GPNMB: variants seen among roughly 807,000 people sequenced by gnomAD.
GPNMB encodes glycoprotein nmb.
In GPNMB, 71 loss-of-function variants were observed where a neutral mutation model predicts 57.3. The observed-to-expected ratio is 1.24, with a 90% CI of 1.02 to 1.51. GPNMB has a LOEUF of 1.51. Among genes scored for constraint, GPNMB ranks in the 40% most tolerant of loss-of-function variants. The pLI is 0.00. For synonymous variants in GPNMB, 253 were observed against 263.2 expected, an observed-to-expected ratio of 0.96 and a Z score of 0.38; for missense variants, 677 against 691.9, an observed-to-expected ratio of 0.98 and a Z score of 0.24.
At chr7:23,263,627 A>C (rs2128483691) in intron 6 of GPNMB, among the ~76,000 whole-genome samples, 1 of 151,994 alleles carries the variant, frequency 6.6e-6, no homozygotes, top group East Asian at 1.9e-4. Flanking sequence ...AAAAAAAAAA[A>C]AAAAGATATA....
intron 2 of GPNMB, among the ~76,000 whole-genome samples, chr7:23,253,871 A>T (rs1782714971): frequency 2.0e-5 from 3 of 152,220 alleles, no homozygotes; most frequent in African/African-American, 7.2e-5. Flanking sequence ...TTCGAGATTT[A>T]AAAATGCAGA....
chr7:23,248,875 C>G (rs1173041167), intron 1 of GPNMB, among the ~76,000 whole-genome samples: 1 of 151,938 alleles, frequency 6.6e-6, no homozygotes, highest in Non-Finnish European at 1.5e-5. Flanking sequence ...CCTCCAACTC[C>G]TGGGCTAAAG....
intron 6 of GPNMB, among the ~76,000 whole-genome samples, chr7:23,261,147 A>G (rs956237658): frequency 1.3e-5 from 2 of 151,986 alleles, no homozygotes; most frequent in African/African-American, 4.8e-5. Flanking sequence ...CGATCAGGTC[A>G]TTTCTATGTT....
chr7:23,255,221 G>A (rs1054011725), intron 3 of GPNMB, among the ~76,000 whole-genome samples: 2 of 152,128 alleles, frequency 1.3e-5, no homozygotes, highest in Admixed American at 6.5e-5. Context: ...GTTTCCCCAT[G>A]TTGGCCAGGT....
At position 23,260,007 on chromosome 7, in the gene GPNMB, GT is replaced by G; in HGVS notation, c.571del (p.Ser191GlnfsTer2). 1 of 1,614,178 alleles carries G rather than the reference GT, an allele frequency of 6.2e-7. No homozygotes were observed. Among genetic ancestry groups the G allele is most frequent in the Admixed American group, 1.7e-5 (1 of 60,024 alleles). On this transcript the variant is annotated frameshift_variant, in exon 5 of 11. Transcript: ENST00000258733. LOFTEE classifies it high-confidence loss of function. ...CAGTATTTCCAGAAATTGGGACGAT[GT>G]TCAGTGAGAGTTTCTGTGAACACAG... ...LGQYFQKLGRCSVRVSVNTAN... is the reference protein window; with the variant it reads ...LGQYFQKLGRXSVRVSVNTAN...
intron 1 of GPNMB, among the ~76,000 whole-genome samples, chr7:23,247,540 A>G (rs551790489): frequency 6.6e-6 from 1 of 152,226 alleles, no homozygotes; most frequent in Non-Finnish European, 1.5e-5. Context: ...CCTTGTTTTA[A>G]AAGTTCCTCT....
intron 6 of GPNMB, among the ~76,000 whole-genome samples, chr7:23,264,110 A>C (rs1476775174): frequency 2.0e-5 from 3 of 152,024 alleles, no homozygotes; most frequent in Non-Finnish European, 4.4e-5. Context: ...AAAAAAAAAA[A>C]AACCTTTTGT....
chr7:23,271,444 T>C (rs780668480), intron 9 of GPNMB, among the ~76,000 whole-genome samples: 1 of 152,224 alleles, frequency 6.6e-6, no homozygotes, highest in African/African-American at 2.4e-5. Context: ...TCTCATAAGG[T>C]AATATGTTCT....
At position 23,269,976 on chromosome 7, in the gene GPNMB, G is replaced by A. The variant is rs779031770; in HGVS notation, c.1230G>A (p.Thr410=). 3.4e-5 allele frequency: 55 copies of A among 1,613,502 alleles called. No individual in the cohort carries two copies. The highest frequency in any genetic ancestry group is 5.5e-5 in the South Asian group (5 of 91,022). ...FVVTCQGSIP[T]EVCTIISDPT... ...ACCTCCCCTGTCGCAGCATTCCCAC[G>A]GAGGTCTGTACCATCATTTCTGACC... Residue 410 remains threonine, a synonymous_variant, in exon 9 of 11, where the codon ACG becomes ACA. Coordinates refer to ENST00000258733, the MANE Select transcript of GPNMB (RefSeq NM_002510.3).
At chr7:23,253,117 T>C (rs1161646774) in intron 1 of GPNMB, among the ~76,000 whole-genome samples, 190 bp from the exon 2 acceptor site, 1 of 152,188 alleles carries the variant, frequency 6.6e-6, no homozygotes, top group African/African-American at 2.4e-5. Context: ...CATAAAGACA[T>C]AGGGTCTGAA....
chr7:23,263,712 T>C (rs1439390088), intron 6 of GPNMB, among the ~76,000 whole-genome samples: 1 of 151,482 alleles, frequency 6.6e-6, no homozygotes, highest in Non-Finnish European at 1.5e-5. Flanking sequence ...AGGTGTTAGA[T>C]CAATCATAAT....
chr7:23,269,231 C>CA (rs1313371438), intron 8 of GPNMB, among the ~76,000 whole-genome samples: 1 of 151,846 alleles, frequency 6.6e-6, no homozygotes, highest in African/African-American at 2.4e-5. Flanking sequence ...ACTAAAAATA[C>CA]AAAAATTAGC....
chr7:23,249,743 A>G (rs566512843), intron 1 of GPNMB, among the ~76,000 whole-genome samples: 1 of 152,318 alleles, frequency 6.6e-6, no homozygotes, highest in South Asian at 2.1e-4. Flanking sequence ...AATTTGGGCT[A>G]TTATGAATAA....
At chr7:23,254,448 G>GT in intron 3 of GPNMB, 136 bp downstream of exon 3, 1 of 695,354 alleles carries the variant, frequency 1.4e-6, no homozygotes, top group Non-Finnish European at 2.4e-6. Flanking sequence ...CAGAGACAGT[G>GT]AGTGTGTGGT....
chr7:23,257,487 C>T (rs1280313261), intron 4 of GPNMB: 1 of 262,452 alleles, frequency 3.8e-6, no homozygotes, highest in Non-Finnish European at 7.3e-6. Context: ...GCCTGGCCAA[C>T]ATGGTGAAGT....
chr7:23,263,522 G>GAA (rs1448040587), intron 6 of GPNMB, among the ~76,000 whole-genome samples: 1 of 150,064 alleles, frequency 6.7e-6, no homozygotes, highest in Non-Finnish European at 1.5e-5. Context: ...TGAGGCAGAA[G>GAA]AATCGCTTGA....
At chr7:23,267,440 G>T (rs1005829222) in intron 7 of GPNMB, among the ~76,000 whole-genome samples, 1 of 152,144 alleles carries the variant, frequency 6.6e-6, no homozygotes, top group African/African-American at 2.4e-5. Context: ...TGTCTTAAGA[G>T]CTGTACCTTA....
chr7:23,260,026 G>C lies in GPNMB; in HGVS notation c.588G>C (p.Val196=). The C allele has an allele frequency of 1.2e-6, 2 of 1,614,134 alleles. No individual in the cohort carries two copies. Among genetic ancestry groups the C allele is most frequent in the Non-Finnish European group, 1.7e-6 (2 of 1,179,984 alleles). ...KLGRCSVRVS[V]NTANVTLGPQ... ...GACGATGTTCAGTGAGAGTTTCTGT[G>C]AACACAGCCAATGTGACACTTGGGC... The change falls in exon 5 of 11, where the codon GTG becomes GTC. Residue 196 remains valine (V), a synonymous_variant. Transcript: ENST00000258733.
At chr7:23,267,751 T>G (rs1055726547) in intron 7 of GPNMB, 135 bp from the exon 8 acceptor site, 3 of 692,732 alleles carry the variant, frequency 4.3e-6, no homozygotes, top group Non-Finnish European at 7.7e-6. Context: ...CCCCTCCTAA[T>G]GCTATCACCT....
Sources: allele counts gnomAD v4.1 joint callset (sites outside exome capture counted in the v4.1 genomes callset), GRCh38; gene constraint gnomAD v4.1.1; transcripts MANE v1.5; gene names NCBI Gene and HGNC (gene_info 2026-07-23, HGNC 2026-07-21).